RAPGEF4: variants seen among roughly 807,000 people sequenced by gnomAD.
RAPGEF4 encodes the protein Rap guanine nucleotide exchange factor 4.
A neutral mutation model predicts 147.9 loss-of-function variants in RAPGEF4; 66 were observed. That is an observed-to-expected ratio of 0.45 (90% confidence interval 0.37 to 0.55). The LOEUF is 0.55. Among genes scored for constraint, RAPGEF4 ranks in the 20% least tolerant of loss-of-function variants. RAPGEF4 has a pLI of 0.00. For synonymous variants in RAPGEF4, 419 were observed against 442.7 expected (o/e 0.95, Z 0.67); for missense variants, 1,071 against 1,257.3 (o/e 0.85, Z 2.24).
intron 1 of RAPGEF4, chr2:172,744,010 C>A (rs1273258055): frequency 1.2e-5 from 2 of 160,746 alleles, no homozygotes; most frequent in African/African-American, 4.8e-5. Context: ...CAGATTGATA[C>A]TTGTCTAAAG....
chr2:173,047,956 G>A (rs1351018548), intron 29 of RAPGEF4, among the ~76,000 whole-genome samples: 3 of 152,196 alleles, frequency 2.0e-5, no homozygotes, highest in Admixed American at 6.5e-5. Flanking sequence ...GATTACAGGC[G>A]TGAGCCACTG....
At chr2:172,736,259 C>T (rs879593469) in intron 1 of RAPGEF4, 3 of 350,348 alleles carry the variant, frequency 8.6e-6, no homozygotes, top group South Asian at 1.0e-4. Context: ...GATTATTACA[C>T]GTGGTGGAGA....
At chr2:172,801,468 G>C (rs1264875373) in intron 3 of RAPGEF4, among the ~76,000 whole-genome samples, 2 of 152,154 alleles carry the variant, frequency 1.3e-5, no homozygotes, top group Non-Finnish European at 2.9e-5. Context: ...ACCCTCAGTG[G>C]GGTGTGAGCC....
At chr2:172,756,735 C>T (rs1695816267) in intron 1 of RAPGEF4, among the ~76,000 whole-genome samples, 1 of 152,162 alleles carries the variant, frequency 6.6e-6, no homozygotes, top group African/African-American at 2.4e-5. Context: ...AATTTCCTAA[C>T]CTTTAATAAA....
intron 1 of RAPGEF4, among the ~76,000 whole-genome samples, chr2:172,793,752 A>G (rs1445667467): frequency 2.0e-5 from 3 of 152,344 alleles, no homozygotes; most frequent in South Asian, 2.1e-4. Flanking sequence ...TCTTTGATTT[A>G]TCTTAATCCA....
intron 27 of RAPGEF4, among the ~76,000 whole-genome samples, chr2:173,034,289 G>A (rs1015105774): frequency 5.3e-5 from 8 of 152,118 alleles, no homozygotes; most frequent in African/African-American, 1.4e-4. Context: ...ATTTTTCCCC[G>A]TTGGCTGGAG....
Position 172,906,631 on chromosome 2 carries a change from C to T in RAPGEF4, c.445-11171C>T, listed in dbSNP as rs371164728. On this transcript the variant is annotated intron_variant, in intron 4 of 30. Transcript: ENST00000397081. ...AGCATCTGGGTGGGAATGTGGTAGC[C>T]GCTGGGTGCCAGCAGTTGCATGCCA... 1.0e-3 allele frequency among the ~76,000 whole-genome samples: 157 copies of T among 152,268 alleles called. No individual in the cohort carries two copies. In the South Asian group the frequency reaches 0.017, roughly 16 times the overall value.
At chr2:172,776,499 T>G (rs112558743) in intron 1 of RAPGEF4, among the ~76,000 whole-genome samples, 4,203 of 152,326 alleles carry the variant, frequency 0.028, 78 homozygotes, top group Middle Eastern at 0.058. Context: ...CATCCATTAT[T>G]TCTTTAAATT....
At chr2:172,859,689 GT>G (rs1264673909) in intron 4 of RAPGEF4, among the ~76,000 whole-genome samples, 1 of 152,174 alleles carries the variant, frequency 6.6e-6, no homozygotes, top group Non-Finnish European at 1.5e-5. Context: ...TGCCCTGAAG[GT>G]AAAGTGCACC....
chr2:172,937,037 CAAAAA>C (rs34104170), intron 6 of RAPGEF4, among the ~76,000 whole-genome samples: 173 of 52,602 alleles, frequency 3.3e-3, no homozygotes, highest in African/African-American at 8.1e-3. Context: ...CCTCTCTCTG[CAAAAA>C]AAAAAAAAAA....
intron 4 of RAPGEF4, among the ~76,000 whole-genome samples, chr2:172,874,804 A>G (rs1345196128): frequency 1.3e-5 from 2 of 152,158 alleles, no homozygotes; most frequent in East Asian, 1.9e-4. Context: ...CTAGTTCTAG[A>G]TCCCTGAGGA....
chr2:173,026,844 C>T lies in RAPGEF4; in HGVS notation c.2379+147C>T, dbSNP rs868615967. ...ATACTGAGCTTATAAATAAAGCATG[C>T]TATAAAGCCTTTGAGTATTAAAGAA... On this transcript the variant is annotated intron_variant, in intron 24 of 30. Transcript: ENST00000397081. 2.3e-5 allele frequency: 27 copies of T among 1,177,682 alleles called. No homozygotes were observed. In the Middle Eastern group the frequency reaches 9.9e-4, roughly 43 times the overall value. 73.0% of individuals were successfully genotyped at this position (1,177,682 alleles called of 1,614,324 possible). A position where few individuals can be genotyped will look rare whatever the true frequency, so the allele number is the denominator to read the frequency against.
At chr2:172,744,299 G>T (rs914239344) in intron 1 of RAPGEF4, 23 of 412,258 alleles carry the variant, frequency 5.6e-5, no homozygotes, top group African/African-American at 3.7e-4. Flanking sequence ...GCCAGACCTG[G>T]ATTCAAATTC....
intron 3 of RAPGEF4, among the ~76,000 whole-genome samples, chr2:172,810,390 G>A (rs887496664): frequency 5.3e-5 from 8 of 152,222 alleles, no homozygotes; most frequent in South Asian, 2.1e-4. Flanking sequence ...ATGAGGCATC[G>A]TCATTGAGAC....
intron 4 of RAPGEF4, among the ~76,000 whole-genome samples, chr2:172,866,432 C>T (rs1401688641): frequency 2.0e-5 from 3 of 152,134 alleles, no homozygotes; most frequent in Non-Finnish European, 2.9e-5. Context: ...CTTTTTAGTG[C>T]TCTCCTATTC....
At chr2:172,808,268 C>A (rs140600429) in intron 3 of RAPGEF4, among the ~76,000 whole-genome samples, 1 of 152,148 alleles carries the variant, frequency 6.6e-6, no homozygotes, top group African/African-American at 2.4e-5. Flanking sequence ...GTACATAACT[C>A]AGACGTACAA....
intron 12 of RAPGEF4, among the ~76,000 whole-genome samples, chr2:172,986,870 T>C (rs1346054258): frequency 6.6e-6 from 1 of 152,082 alleles, no homozygotes; most frequent in East Asian, 1.9e-4. Context: ...ATTTTTTTTT[T>C]GTATTTTTAG....
chr2:172,863,884 C>T (rs1426789853), intron 4 of RAPGEF4, among the ~76,000 whole-genome samples: 2 of 152,116 alleles, frequency 1.3e-5, no homozygotes, highest in African/African-American at 4.8e-5. Context: ...AACCACTTTT[C>T]ATGTTAATAA....
chr2:173,018,852 C>T (rs1374839622), intron 22 of RAPGEF4, 50 bp downstream of exon 22: 1 of 1,588,142 alleles, frequency 6.3e-7, no homozygotes, highest in South Asian at 1.1e-5. Context: ...GACATTCCAT[C>T]CAAGCAGAAA....
Sources: allele counts gnomAD v4.1 joint callset (sites outside exome capture counted in the v4.1 genomes callset), GRCh38; gene constraint gnomAD v4.1.1; transcripts MANE v1.5; gene names NCBI Gene and HGNC (gene_info 2026-07-23, HGNC 2026-07-21).